Variants in TTC39C observed in about 807,000 individuals in gnomAD.
The protein encoded by TTC39C is tetratricopeptide repeat domain 39C.
In TTC39C, 33 loss-of-function variants were observed where a neutral mutation model predicts 76.3. That is an observed-to-expected ratio of 0.43 (90% confidence interval 0.33 to 0.58). The LOEUF is 0.58. Ranked by LOEUF, TTC39C falls within the 20% of genes least tolerant of loss-of-function variation. TTC39C has a pLI of 0.04. For synonymous variants in TTC39C, 254 were observed against 260.6 expected (o/e 0.97, Z 0.24); for missense variants, 595 against 701.4 (o/e 0.85, Z 1.71).
intron 2 of TTC39C, among the ~76,000 whole-genome samples, chr18:24,064,857 A>C (rs2084146118): frequency 6.6e-6 from 1 of 152,224 alleles, no homozygotes. Context: ...ACAGCCTGGC[A>C]GTGCTCAACC....
At chr18:24,042,255 A>G (rs2083803558) in intron 1 of TTC39C, among the ~76,000 whole-genome samples, 1 of 152,060 alleles carries the variant, frequency 6.6e-6, no homozygotes, top group Non-Finnish European at 1.5e-5. Flanking sequence ...GCAGTCCCCA[A>G]CCTTTTTGGC....
chr18:24,019,957 C>T, intron 1 of TTC39C: 5 of 1,500,488 alleles, frequency 3.3e-6, no homozygotes, highest in Non-Finnish European at 4.4e-6. Flanking sequence ...TGAGCCTCTT[C>T]TCTGCCTAAA....
In TTC39C at chr18:24,125,525, C is replaced by G; in HGVS notation, c.1395C>G (p.Phe465Leu). Reference protein sequence around the residue: ...YLWKALPNCSFPNLQRMSQAC... With the variant: ...YLWKALPNCSLPNLQRMSQAC... Reference sequence around the variant, plus strand: ...GGAAAGCTCTTCCAAACTGTTCCTTCCCCAACCTGCAGAGGATGAGTCAAG... The same window carrying G: ...GGAAAGCTCTTCCAAACTGTTCCTTGCCCAACCTGCAGAGGATGAGTCAAG... Residue 465 changes from phenylalanine (F) to leucine (L), a missense_variant, in exon 10 of 14, where the codon TTC (phenylalanine) becomes TTG (leucine). Coordinates refer to ENST00000317571, the MANE Select transcript of TTC39C (RefSeq NM_001135993.2). 1 of 1,614,154 alleles carries G rather than the reference C, an allele frequency of 6.2e-7. No individual in the cohort carries two copies. Among genetic ancestry groups the G allele is most frequent in the Non-Finnish European group, 8.5e-7 (1 of 1,180,024 alleles).
intron 1 of TTC39C, among the ~76,000 whole-genome samples, chr18:24,033,786 CTGTCTGTGA>C (rs2083702309): frequency 6.6e-6 from 1 of 152,246 alleles, no homozygotes; most frequent in Non-Finnish European, 1.5e-5. Flanking sequence ...CTTTCAGAGT[CTGTCTGTGA>C]CTGGTCATTG....
intron 1 of TTC39C, chr18:24,022,858 C>T: frequency 5.1e-6 from 5 of 985,440 alleles, no homozygotes; most frequent in Non-Finnish European, 6.0e-6. Context: ...GTATATCTTG[C>T]TCTTCCAGAC....
chr18:24,022,973 A>C, intron 1 of TTC39C: 1 of 741,564 alleles, frequency 1.3e-6, no homozygotes, highest in Non-Finnish European at 1.6e-6. Flanking sequence ...TTGTTTACAC[A>C]TCTGCCTGTC....
chr18:24,084,248 C>T (rs1361167253), intron 6 of TTC39C, among the ~76,000 whole-genome samples: 1 of 152,166 alleles, frequency 6.6e-6, no homozygotes, highest in Non-Finnish European at 1.5e-5. Flanking sequence ...CTTTGGGAGG[C>T]TGAGGCAGGT....
chr18:24,128,317 T>C (rs925852525), intron 10 of TTC39C, among the ~76,000 whole-genome samples: 36 of 152,006 alleles, frequency 2.4e-4, no homozygotes, highest in African/African-American at 7.2e-4. Flanking sequence ...AACTCCTGCT[T>C]CTACAAGATC....
At chr18:24,031,075 T>TA (rs1049199761) in intron 1 of TTC39C, among the ~76,000 whole-genome samples, 1 of 151,466 alleles carries the variant, frequency 6.6e-6, no homozygotes, top group African/African-American at 2.4e-5. Flanking sequence ...GACTCCTGAG[T>TA]AGCTGGGACT....
At chr18:24,105,609 G>A (rs1409948575) in intron 6 of TTC39C, among the ~76,000 whole-genome samples, 1 of 152,218 alleles carries the variant, frequency 6.6e-6, no homozygotes, top group East Asian at 1.9e-4. Flanking sequence ...TGAGTGGGGT[G>A]TGGGGAGCAC....
At chr18:24,063,620 G>A (rs2084128579) in intron 1 of TTC39C, among the ~76,000 whole-genome samples, 1 of 148,336 alleles carries the variant, frequency 6.7e-6, no homozygotes, top group African/African-American at 2.5e-5. Context: ...TCACGCAATT[G>A]TCCCTGCCTC....
intron 6 of TTC39C, among the ~76,000 whole-genome samples, chr18:24,100,013 A>C (rs2084657221): frequency 6.6e-6 from 1 of 152,082 alleles, no homozygotes; most frequent in Non-Finnish European, 1.5e-5. Context: ...AGAGAGATTG[A>C]TTTTTTTAAT....
chr18:24,015,495 G>T (rs1426323445), intron 1 of TTC39C, among the ~76,000 whole-genome samples: 2 of 152,270 alleles, frequency 1.3e-5, no homozygotes, highest in Non-Finnish European at 2.9e-5. Context: ...TGCTCCTCGC[G>T]CCTCGCATGG....
At chr18:24,008,770 T>C (rs891709454) in intron 1 of TTC39C, among the ~76,000 whole-genome samples, 2 of 152,210 alleles carry the variant, frequency 1.3e-5, no homozygotes, top group African/African-American at 4.8e-5. Flanking sequence ...TGCAGCACTA[T>C]TCACAGTAAC....
intron 1 of TTC39C, among the ~76,000 whole-genome samples, chr18:23,993,530 G>T (rs1036015209): frequency 3.9e-5 from 6 of 152,198 alleles, no homozygotes; most frequent in Middle Eastern, 3.4e-3. Context: ...CTCCTACTTG[G>T]TTGAGAATGT....
At chr18:24,028,264 GT>G (rs2083622031) in intron 1 of TTC39C, among the ~76,000 whole-genome samples, 2 of 152,198 alleles carry the variant, frequency 1.3e-5, no homozygotes, top group African/African-American at 4.8e-5. Flanking sequence ...AGAGATTCTT[GT>G]TCTGGAGAAA....
At chr18:24,107,885 A>AG (rs781572399) in intron 6 of TTC39C, among the ~76,000 whole-genome samples, 138 of 55,892 alleles carry the variant, frequency 2.5e-3, no homozygotes, top group Non-Finnish European at 4.9e-3. Flanking sequence ...CAGCCTCCCA[A>AG]GTAGGGGGGG....
intron 10 of TTC39C, among the ~76,000 whole-genome samples, chr18:24,127,762 C>A (rs1011085040): frequency 6.6e-6 from 1 of 152,210 alleles, no homozygotes; most frequent in African/African-American, 2.4e-5. Context: ...GTGATCCTCC[C>A]GCTTTGGTCT....
chr18:24,015,625 T>C (rs747819380), intron 1 of TTC39C, among the ~76,000 whole-genome samples: 3 of 152,230 alleles, frequency 2.0e-5, no homozygotes, highest in Non-Finnish European at 4.4e-5. Context: ...CTCTCTGCCT[T>C]GTCTTCTGCA....
Sources: gnomAD v4.1 joint callset for allele counts (sites outside exome capture counted in the v4.1 genomes callset) on GRCh38, gnomAD v4.1.1 for gene constraint, MANE v1.5 for transcripts, NCBI Gene and HGNC (gene_info 2026-07-23, HGNC 2026-07-21) for gene names.